Variants in ASPRV1 observed in about 807,000 individuals in gnomAD.
The protein encoded by ASPRV1 is aspartic peptidase retroviral like 1, also known as retroviral-like aspartic protease 1.
A neutral mutation model predicts 11.0 loss-of-function variants in ASPRV1; 7 were observed. The observed-to-expected ratio is 0.64, with a 90% CI of 0.36 to 1.20. ASPRV1 has a LOEUF of 1.20. Ranked by LOEUF, ASPRV1 falls within the 50% of genes most tolerant of loss-of-function variation. ASPRV1 has a pLI of 0.02. For missense variants in ASPRV1, 299 were observed against 320.0 expected (o/e 0.93, Z 0.50); for synonymous variants, 136 against 138.4 (o/e 0.98, Z 0.12).
chr2:70,004,528 C>CAA, the ASPRV1 span, among the ~76,000 whole-genome samples: 320 of 53,544 alleles, frequency 6.0e-3, 1 homozygote, highest in African/African-American at 6.8e-3. Flanking sequence ...AACTCCATCT[C>CAA]AAAAAAAAAA....
At chr2:69,974,969 C>T in the ASPRV1 span, among the ~76,000 whole-genome samples, 2 of 152,214 alleles carry the variant, frequency 1.3e-5, no homozygotes, top group African/African-American at 4.8e-5. Flanking sequence ...CTGCAACAAG[C>T]TGTGTCTGAC....
the ASPRV1 span, among the ~76,000 whole-genome samples, chr2:70,058,882 C>CTTT: frequency 2.8e-4 from 29 of 102,242 alleles, no homozygotes; most frequent in Non-Finnish European, 3.8e-4. Context: ...TATTACCCAA[C>CTTT]TTTTTTTTTT....
the ASPRV1 span, among the ~76,000 whole-genome samples, chr2:69,936,699 T>C: frequency 1.3e-5 from 2 of 152,202 alleles, no homozygotes; most frequent in Non-Finnish European, 2.9e-5. Flanking sequence ...AACTCTTCTG[T>C]TGGACAAATT....
At chr2:70,068,619 A>T in the ASPRV1 span, among the ~76,000 whole-genome samples, 2 of 152,248 alleles carry the variant, frequency 1.3e-5, no homozygotes, top group Non-Finnish European at 2.9e-5. Flanking sequence ...AAATGAGGAA[A>T]GATGAAGGCA....
upstream of ASPRV1, chr2:69,964,536 G>A (rs1678270530): frequency 7.2e-6 from 2 of 276,102 alleles, no homozygotes; most frequent in Non-Finnish European, 1.5e-5. Flanking sequence ...GAATGGCTAC[G>A]CCAGAGGTGC....
chr2:70,025,090 TTTG>T, the ASPRV1 span, among the ~76,000 whole-genome samples: 4 of 152,206 alleles, frequency 2.6e-5, no homozygotes, highest in Non-Finnish European at 5.9e-5. Flanking sequence ...TATATTTAAA[TTTG>T]TTATTATTTT....
At chr2:70,014,815 A>G in the ASPRV1 span, among the ~76,000 whole-genome samples, 3 of 150,898 alleles carry the variant, frequency 2.0e-5, no homozygotes, top group African/African-American at 2.4e-5. Context: ...AAAAAAAAAA[A>G]AAAGAAAAAG....
the ASPRV1 span, among the ~76,000 whole-genome samples, chr2:70,082,228 A>G: frequency 6.6e-6 from 1 of 151,810 alleles, no homozygotes; most frequent in African/African-American, 2.4e-5. Flanking sequence ...CAGATGGTCT[A>G]CCCGCCTCAC....
the ASPRV1 span, among the ~76,000 whole-genome samples, chr2:70,028,896 C>T: frequency 2.6e-5 from 4 of 151,882 alleles, no homozygotes; most frequent in African/African-American, 9.7e-5. Flanking sequence ...GAGCTGAGGC[C>T]GTGCCACTGC....
At chr2:69,961,786 C>G, upstream of ASPRV1, 1 of 1,330,694 alleles carries the variant, frequency 7.5e-7, no homozygotes, top group Non-Finnish European at 1.0e-6. Flanking sequence ...TGCATCCATC[C>G]TTGGACCAAC....
chr2:69,937,340 C>G, the ASPRV1 span: 1 of 1,614,044 alleles, frequency 6.2e-7, no homozygotes, highest in Admixed American at 1.7e-5. Context: ...TGAGAGGATC[C>G]GGATGGACAG....
chr2:70,046,642 G>A, the ASPRV1 span: 4 of 152,094 alleles, frequency 2.6e-5, no homozygotes, highest in Non-Finnish European at 4.4e-5. Context: ...CTCAGGCTGG[G>A]GTCTGAGAAG....
At chr2:69,979,832 CCATA>C in the ASPRV1 span, among the ~76,000 whole-genome samples, 1 of 152,324 alleles carries the variant, frequency 6.6e-6, no homozygotes, top group East Asian at 1.9e-4. Flanking sequence ...TCCACGCTCT[CCATA>C]CGAGGCACTG....
At chr2:70,062,861 C>T in the ASPRV1 span, among the ~76,000 whole-genome samples, 1 of 152,116 alleles carries the variant, frequency 6.6e-6, no homozygotes, top group Non-Finnish European at 1.5e-5. Context: ...AAATAGAAGG[C>T]AGGACATTAC....
chr2:69,982,065 ATCCATCCATCCATCCATCCT>A, the ASPRV1 span, among the ~76,000 whole-genome samples: 1 of 150,622 alleles, frequency 6.6e-6, no homozygotes, highest in Non-Finnish European at 1.5e-5. Context: ...CCATCCATCC[ATCCATCCATCCATCCATCCT>A]TCCATCCATC....
the ASPRV1 span, chr2:70,077,216 C>A: frequency 6.6e-6 from 1 of 152,146 alleles, no homozygotes; most frequent in Non-Finnish European, 1.5e-5. Context: ...TTGTTATCAT[C>A]ATTATCAATC....
chr2:69,959,063 G>C (rs1024164420), downstream of ASPRV1, among the ~76,000 whole-genome samples: 3 of 152,124 alleles, frequency 2.0e-5, no homozygotes, highest in Non-Finnish European at 4.4e-5. Context: ...GGGAAGAAGG[G>C]GCCAGGGACG....
At chr2:70,041,412 C>T in the ASPRV1 span, among the ~76,000 whole-genome samples, 21 of 152,108 alleles carry the variant, frequency 1.4e-4, no homozygotes, top group Non-Finnish European at 5.9e-5. Context: ...ATTTAAATGG[C>T]GACCCACCTG....
At chr2:69,945,908 C>T in the ASPRV1 span, among the ~76,000 whole-genome samples, 4 of 152,136 alleles carry the variant, frequency 2.6e-5, no homozygotes, top group Non-Finnish European at 2.9e-5. Context: ...AGACAGTCAA[C>T]GCAGGGAGCT....
Sources: allele counts gnomAD v4.1 joint callset (sites outside exome capture counted in the v4.1 genomes callset), GRCh38; gene constraint gnomAD v4.1.1; transcripts MANE v1.5; gene names NCBI Gene and HGNC (gene_info 2026-07-23, HGNC 2026-07-21).